The following GSE1 variants were observed in gnomAD, a reference collection of about 807,000 sequenced individuals.
GSE1 encodes genetic suppressor element 1.
Under a neutral mutation model 112.6 loss-of-function variants are expected in GSE1, and 32 were observed. That is an observed-to-expected ratio of 0.28 (90% confidence interval 0.21 to 0.38). The LOEUF is 0.38. GSE1 is among the 10% of genes least tolerant of loss of function. GSE1 has a pLI of 1.00. For synonymous variants in GSE1, 1,115 were observed against 735.6 expected, an observed-to-expected ratio of 1.52 and a Z score of -8.35; for missense variants, 2,348 against 1,699.2, an observed-to-expected ratio of 1.38 and a Z score of -6.71.
intron 2 of GSE1, among the ~76,000 whole-genome samples, chr16:85,384,335 T>C (rs768794244): frequency 2.0e-5 from 3 of 152,172 alleles, no homozygotes; most frequent in Non-Finnish European, 4.4e-5. Context: ...CCCTTGCCCA[T>C]AGCGTGGCAG....
chr16:85,631,128 G>C (rs144866502), intron 1 of GSE1, among the ~76,000 whole-genome samples: 7 of 152,338 alleles, frequency 4.6e-5, no homozygotes, highest in Non-Finnish European at 1.0e-4. Flanking sequence ...TGATGTCCGT[G>C]TGGGTCCCTG....
At chr16:85,510,929 G>C (rs1164468081) in intron 2 of GSE1, among the ~76,000 whole-genome samples, 1 of 152,176 alleles carries the variant, frequency 6.6e-6, no homozygotes, top group Non-Finnish European at 1.5e-5. Flanking sequence ...AGCCAACCTT[G>C]ACCACTCTGT....
At chr16:85,299,413 CA>C (rs1260427065) in intron 1 of GSE1, among the ~76,000 whole-genome samples, 1 of 152,206 alleles carries the variant, frequency 6.6e-6, no homozygotes, top group African/African-American at 2.4e-5. Context: ...ACCCCCCTGC[CA>C]GCCTTCACCT....
At chr16:85,597,443 C>T (rs960733472) in intron 1 of GSE1, among the ~76,000 whole-genome samples, 8 of 149,802 alleles carry the variant, frequency 5.3e-5, no homozygotes, top group Non-Finnish European at 1.5e-5. Context: ...CAAGTTTACT[C>T]ACACAGATTC....
rs1465522887 is a variant in GSE1, at chr16:85,404,238, G to A, written c.2464+46595G>A. Among the ~76,000 whole-genome samples, 15 of 88,780 alleles carry A rather than the reference G, an allele frequency of 1.7e-4. 2 individuals are homozygous for A. Among genetic ancestry groups the A allele is most frequent in the African/African-American group, 5.1e-4 (10 of 19,704 alleles). 58.2% of individuals were successfully genotyped at this position (88,780 alleles called of 152,430 possible). On this transcript the variant is annotated intron_variant, in intron 2 of 2. Coordinates refer to the GSE1 transcript ENST00000637419. Reference sequence around the variant, plus strand: ...TCACCGTTACACTCAGGGCCCCCCCGGATAATTCTCACTGTTACACTCAGG... The same window carrying A: ...TCACCGTTACACTCAGGGCCCCCCCAGATAATTCTCACTGTTACACTCAGG...
intron 2 of GSE1, among the ~76,000 whole-genome samples, chr16:85,443,418 AC>A (rs2049429588): frequency 6.6e-6 from 1 of 152,138 alleles, no homozygotes; most frequent in Non-Finnish European, 1.5e-5. Flanking sequence ...CCACTTCTCC[AC>A]CTGTAAAACA....
intron 1 of GSE1, among the ~76,000 whole-genome samples, chr16:85,589,067 A>C (rs568723819): frequency 6.6e-6 from 1 of 151,370 alleles, no homozygotes; most frequent in East Asian, 1.9e-4. Context: ...AGGCCCCCAA[A>C]TCCTCCCCTT....
chr16:85,613,471 G>T (rs1349451847), intron 1 of GSE1, 73 bp downstream of exon 1: 24 of 1,336,456 alleles, frequency 1.8e-5, no homozygotes, highest in Non-Finnish European at 2.2e-5. Context: ...CTGCAAGTTC[G>T]CGGGTTTCGC....
chr16:85,528,769 G>A (rs1321686564), intron 2 of GSE1, among the ~76,000 whole-genome samples: 1 of 152,112 alleles, frequency 6.6e-6, no homozygotes, highest in Non-Finnish European at 1.5e-5. Context: ...TATCGTCTGG[G>A]GGAAGTGCAA....
intron 2 of GSE1, among the ~76,000 whole-genome samples, chr16:85,541,594 CA>C (rs574749471): frequency 6.6e-6 from 1 of 152,350 alleles, no homozygotes; most frequent in South Asian, 2.1e-4. Flanking sequence ...GCCACGGGCA[CA>C]TCACAGAGGG....
intron 1 of GSE1, among the ~76,000 whole-genome samples, chr16:85,590,496 G>A (rs1032014985): frequency 6.7e-6 from 1 of 148,370 alleles, no homozygotes; most frequent in Non-Finnish European, 1.5e-5. Context: ...TGAACGCATG[G>A]GCCTGTGTGT....
chr16:85,293,488 G>C (rs536875744), intron 1 of GSE1, among the ~76,000 whole-genome samples: 7 of 152,284 alleles, frequency 4.6e-5, no homozygotes, highest in Admixed American at 4.6e-4. Flanking sequence ...GGAGGTTACA[G>C]TGAGCTGAGA....
chr16:85,488,054 A>C lies in GSE1; in HGVS notation c.2464+130411A>C, dbSNP rs527379583. Among the ~76,000 whole-genome samples the C allele has an allele frequency of 2.6e-5, 4 of 151,664 alleles. No individual in the cohort carries two copies. In the South Asian group the frequency reaches 8.3e-4, roughly 32 times the overall value. On this transcript the variant is annotated intron_variant, in intron 2 of 2. Coordinates refer to the GSE1 transcript ENST00000637419. ...GGACCAGACAAGGGGAATCTGGGGG[A>C]ACGTCTTGGAGTCTGTGGCTGTCCT...
intron 1 of GSE1, among the ~76,000 whole-genome samples, chr16:85,236,010 G>C (rs1456454185): frequency 1.3e-5 from 2 of 151,026 alleles, no homozygotes; most frequent in Non-Finnish European, 3.0e-5. Flanking sequence ...GGCTGAGGCT[G>C]GGCCTGGGGC....
intron 1 of GSE1, among the ~76,000 whole-genome samples, chr16:85,236,133 C>T (rs370256151): frequency 3.9e-5 from 6 of 152,084 alleles, no homozygotes; most frequent in Non-Finnish European, 7.4e-5. Context: ...GCTGGGCCAC[C>T]GGACCGGAAA....
At chr16:85,507,255 C>T (rs12596016) in intron 2 of GSE1, among the ~76,000 whole-genome samples, 6,945 of 152,248 alleles carry the variant, frequency 0.046, 267 homozygotes, top group South Asian at 0.12. Context: ...CTCATAAATC[C>T]CTCTGCAGAG....
chr16:85,234,463 T>C (rs1904390064), intron 1 of GSE1, among the ~76,000 whole-genome samples: 1 of 152,172 alleles, frequency 6.6e-6, no homozygotes, highest in Admixed American at 6.5e-5. Flanking sequence ...TTTCCTGCCA[T>C]TGCTATTCTC....
At chr16:85,196,379 C>A (rs76263847) in intron 1 of GSE1, among the ~76,000 whole-genome samples, 11 of 152,150 alleles carry the variant, frequency 7.2e-5, no homozygotes, top group Non-Finnish European at 1.2e-4. Context: ...ATCTGACTGT[C>A]AGCCCCTGGG....
intron 2 of GSE1, among the ~76,000 whole-genome samples, chr16:85,438,448 G>A (rs1012182150): frequency 1.3e-5 from 2 of 152,172 alleles, no homozygotes; most frequent in East Asian, 1.9e-4. Flanking sequence ...ATCAGCTGCC[G>A]CCTGGAGAGG....
Sources: allele counts gnomAD v4.1 joint callset (sites outside exome capture counted in the v4.1 genomes callset), GRCh38; gene constraint gnomAD v4.1.1; transcripts MANE v1.5; gene names NCBI Gene and HGNC (gene_info 2026-07-23, HGNC 2026-07-21).